The following PEX16 variants were observed in gnomAD, a reference collection of about 807,000 sequenced individuals.
The protein encoded by PEX16 is peroxisomal biogenesis factor 16, also known as peroxin 16.
PEX16 carries 37 observed loss-of-function variants against 50.5 expected under a neutral mutation model. That is an observed-to-expected ratio of 0.73 (90% CI 0.56 to 0.96). PEX16 has a LOEUF of 0.96. Ranked by LOEUF, PEX16 falls within the 40% of genes least tolerant of loss-of-function variation. The probability of loss-of-function intolerance (pLI) is 0.00; values close to 1 mark genes in which losing one functional copy is unlikely to be tolerated. For synonymous variants in PEX16, 185 were observed against 190.3 expected (o/e 0.97, Z 0.23); for missense variants, 401 against 438.3 (o/e 0.91, Z 0.76).
intron 10 of PEX16, among the ~76,000 whole-genome samples, chr11:45,910,634 C>T (rs1021491768): frequency 2.0e-5 from 3 of 152,328 alleles, no homozygotes; most frequent in Middle Eastern, 3.4e-3. Context: ...GAGATGGTCC[C>T]GTATCGCTCC....
intron 5 of PEX16, 36 bp from the exon 6 acceptor site, chr11:45,914,720 G>A (rs1223689730): frequency 1.3e-6 from 2 of 1,562,598 alleles, no homozygotes. Flanking sequence ...ACAGTCAGAG[G>A]GACATGCTTC....
In PEX16 at chr11:45,916,271, T is replaced by C; in HGVS notation, c.181A>G (p.Asn61Asp). The part of the protein sequence containing the change: ...YSASNLLVLL[N>D]DGILRKELRK... The stretch of plus-strand genomic sequence containing the variant: ...AGCTCCTTCCGTAGGATCCCGTCAT[T>C]GAGCAGCACAAGCAGGTTAGAGGCA... The change falls in exon 3 of 11, where the codon AAT becomes GAT. Residue 61 changes from asparagine (N) to aspartate (D), a missense_variant. By Grantham distance (23) the Asn-to-Asp change is conservative (BLOSUM62 1). Coordinates refer to ENST00000378750, the MANE Select transcript of PEX16 (RefSeq NM_004813.4). 6.2e-7 allele frequency: 1 copy of C among 1,614,016 alleles called. No individual in the cohort carries two copies. The highest frequency in any genetic ancestry group is 8.5e-7 in the Non-Finnish European group (1 of 1,180,014).
chr11:45,909,670 A>C lies in PEX16; in HGVS notation c.*584T>G. ...GGCCAGTGCCCGATGTCCTTTTTCT[A>C]AGGGAGAAAAGCCTTTTACTCTCAA... On this transcript the variant is annotated 3_prime_UTR_variant, in exon 11 of 11. Coordinates refer to ENST00000378750, the MANE Select transcript of PEX16 (RefSeq NM_004813.4). The C allele has an allele frequency of 1.3e-5, 3 of 226,604 alleles. No homozygotes were observed. Among genetic ancestry groups the C allele is most frequent in the Non-Finnish European group, 1.8e-5 (2 of 111,968 alleles). The allele number at this position is 226,604 out of a possible 1,614,324, so 14.0% of individuals were successfully genotyped here.
At chr11:45,917,245 G>A in intron 2 of PEX16, 1 of 689,200 alleles carries the variant, frequency 1.5e-6, no homozygotes, top group Non-Finnish European at 2.6e-6. Context: ...GGCCAGTAGT[G>A]AATACTCAGA....
At chr11:45,912,441 G>C (rs1355361329) in intron 9 of PEX16, among the ~76,000 whole-genome samples, 2 of 152,032 alleles carry the variant, frequency 1.3e-5, no homozygotes, top group Non-Finnish European at 2.9e-5. Flanking sequence ...AGAGCTTGCA[G>C]TGAGCCAAGA....
chr11:45,910,379 C>T (rs1261669058), intron 10 of PEX16, 67 bp from the exon 11 acceptor site: 21 of 1,324,750 alleles, frequency 1.6e-5, no homozygotes, highest in Non-Finnish European at 2.1e-5. Context: ...CCACATACAG[C>T]ACCTCACCCC....
At chr11:45,917,389 C>T (rs1454326228) in intron 2 of PEX16, 69 bp downstream of exon 2, 5 of 1,479,690 alleles carry the variant, frequency 3.4e-6, no homozygotes, top group Non-Finnish European at 4.7e-6. Flanking sequence ...GGGTGCTCAC[C>T]CTCTCTGGGG....
At chr11:45,916,620 TCC>T (rs1441245377) in intron 2 of PEX16, among the ~76,000 whole-genome samples, 24 of 152,228 alleles carry the variant, frequency 1.6e-4, no homozygotes, top group African/African-American at 5.5e-4. Flanking sequence ...CGGTCCCACC[TCC>T]TGGCCCTTTC....
intron 9 of PEX16, 152 bp from the exon 10 acceptor site, chr11:45,911,114 G>A (rs1565079324): frequency 3.1e-6 from 2 of 651,922 alleles, no homozygotes; most frequent in South Asian, 1.7e-5. Flanking sequence ...GACAAAGCCC[G>A]GTACACAAGG....
rs2086756814 is a variant in PEX16 at position 45,909,884 on chromosome 11, C to T, written c.*370G>A. On this transcript the variant is annotated 3_prime_UTR_variant, in exon 11 of 11. Transcript: ENST00000378750. Reference sequence around the variant, plus strand: ...GCAGCGTTCAGCCATCACCCGGGTTCAGGCTTCCTGTCCTCACCAGGGGCC... The same window carrying T: ...GCAGCGTTCAGCCATCACCCGGGTTTAGGCTTCCTGTCCTCACCAGGGGCC... 3.3e-6 allele frequency: 2 copies of T among 602,040 alleles called. No homozygotes were observed. Among genetic ancestry groups the T allele is most frequent in the East Asian group, 2.8e-5 (1 of 35,948 alleles). The allele number at this position is 602,040 out of a possible 1,614,324, so 37.3% of individuals were successfully genotyped here.
At chr11:45,917,990 A>G (rs1429285809), upstream of PEX16, 2 of 668,308 alleles carry the variant, frequency 3.0e-6, no homozygotes, top group Non-Finnish European at 5.4e-6. Flanking sequence ...CATCTCTTGA[A>G]CCGCTTCCCA....
At chr11:45,912,998 ATT>A (rs5791710) in intron 9 of PEX16, among the ~76,000 whole-genome samples, 11 of 149,376 alleles carry the variant, frequency 7.4e-5, no homozygotes, top group African/African-American at 2.2e-4. Context: ...AATTATTATT[ATT>A]TTTTTTTTTT....
At chr11:45,912,324 C>A (rs2086787502) in intron 9 of PEX16, among the ~76,000 whole-genome samples, 2 of 152,008 alleles carry the variant, frequency 1.3e-5, no homozygotes, top group Non-Finnish European at 2.9e-5. Flanking sequence ...CGGTGAAACC[C>A]CATCTCTACT....
Position 45,910,956 on chromosome 11 carries a change from C to G in PEX16, c.894G>C (p.Arg298Ser), listed in dbSNP as rs1056666029. The G allele has an allele frequency of 1.9e-6, 3 of 1,613,266 alleles. No homozygotes were observed. In the South Asian group the frequency reaches 3.3e-5, roughly 18 times the overall value. The change falls in exon 10 of 11, where the codon AGG becomes AGC. Residue 298 changes from arginine to serine, a missense_variant. Coordinates refer to ENST00000378750, the MANE Select transcript of PEX16 (RefSeq NM_004813.4). Reference sequence around the variant, plus strand: ...CCAGCAACTGGAGCAGGAAGAGGATCCTGGCCCTGGGGGAGGCAATAAATG... The same window carrying G: ...CCAGCAACTGGAGCAGGAAGAGGATGCTGGCCCTGGGGGAGGCAATAAATG... ...SPFYDRFSEA[R>S]ILFLLQLLAD...
In PEX16 at chr11:45,914,444, C is replaced by A; in HGVS notation, c.566G>T (p.Trp189Leu). ...QNTPSLHSRH[W>L]GAPQQREGRQ... Reference sequence around the variant, plus strand: ...TCCCTCCCGCTGCTGGGGAGCTCCCCAGTGCCTGGAGTGCAGGGACGGCGC... The same window carrying A: ...TCCCTCCCGCTGCTGGGGAGCTCCCAAGTGCCTGGAGTGCAGGGACGGCGC... The change falls in exon 7 of 11, where the codon TGG becomes TTG. Residue 189 changes from tryptophan (W) to leucine (L), a missense_variant. Trp to Leu is a moderately conservative substitution (Grantham distance 61, BLOSUM62 -2). Coordinates refer to ENST00000378750, the MANE Select transcript of PEX16 (RefSeq NM_004813.4). 1 of 1,608,612 alleles carries A rather than the reference C, an allele frequency of 6.2e-7. No homozygotes were observed. The highest frequency in any genetic ancestry group is 2.2e-5 in the East Asian group (1 of 44,860).
In PEX16 at chr11:45,916,227, C is replaced by G; in HGVS notation, c.225G>C (p.Val75=). 1 of 1,613,240 alleles carries G rather than the reference C, an allele frequency of 6.2e-7. No individual in the cohort carries two copies. Among genetic ancestry groups the G allele is most frequent in the Non-Finnish European group, 8.5e-7 (1 of 1,179,394 alleles). Residue 75 remains valine (V), a splice_region_variant and synonymous_variant, in exon 3 of 11, where the codon GTG becomes GTC. Transcript: ENST00000378750. ...ACCCTGTTCTTGGCAGAATTCTCAC[C>G]ACAGGCAACTTTTTCCGAAGCTCCT... ...LRKELRKKLP[V]SLSQQKLLTW...
At chr11:45,913,995 G>A in intron 8 of PEX16, 57 bp from the exon 9 acceptor site, 1 of 1,607,684 alleles carries the variant, frequency 6.2e-7, no homozygotes, top group Non-Finnish European at 8.5e-7. Context: ...CCCACGGAAG[G>A]GGAGGAGCCA....
At chr11:45,910,586 C>A (rs1238848515) in intron 10 of PEX16, among the ~76,000 whole-genome samples, 1 of 152,186 alleles carries the variant, frequency 6.6e-6, no homozygotes, top group African/African-American at 2.4e-5. Context: ...CTCAGCAGCC[C>A]GGTGGACCCC....
At chr11:45,910,819 GGAGACA>G in intron 10 of PEX16, 73 bp downstream of exon 10, 1 of 1,240,268 alleles carries the variant, frequency 8.1e-7, no homozygotes, top group Admixed American at 1.7e-5. Flanking sequence ...CAAATTGCAA[GGAGACA>G]GAGGAGTCAG....
Sources: allele counts gnomAD v4.1 joint callset (sites outside exome capture counted in the v4.1 genomes callset), GRCh38; gene constraint gnomAD v4.1.1; transcripts MANE v1.5; gene names NCBI Gene and HGNC (gene_info 2026-07-23, HGNC 2026-07-21).